The following SUPT20H variants were observed in gnomAD, a reference collection of about 807,000 sequenced individuals.
The protein encoded by SUPT20H is SPT20 homolog, SAGA complex component.
SUPT20H carries 82 observed loss-of-function variants against 122.8 expected under a neutral mutation model. The observed-to-expected ratio is 0.67, with a 90% confidence interval of 0.56 to 0.80. The LOEUF is 0.80. SUPT20H is among the 30% of genes least tolerant of loss of function. SUPT20H has a pLI of 0.00. For synonymous variants in SUPT20H, 291 were observed against 313.0 expected (o/e 0.93, Z 0.74); for missense variants, 831 against 921.6 (o/e 0.90, Z 1.27).
chr13:37,051,683 T>A (rs780062381), intron 1 of SUPT20H, 100 bp from the exon 2 acceptor site: 7 of 464,546 alleles, frequency 1.5e-5, no homozygotes, highest in African/African-American at 1.4e-4. Context: ...AAATTACTTA[T>A]ATTTTTAAGA....
rs1018614861 is a variant in SUPT20H, at chr13:37,026,249, A to T, written c.1179-13T>A. ...TCCAATAATGAACCTAAAATGTTTA[A>T]GGAAAAAAAAGGAGAGAAAAGTATT... On this transcript the variant is annotated splice_polypyrimidine_tract_variant and intron_variant, in intron 15 of 25. Transcript: ENST00000350612. 5 of 1,486,678 alleles carry T rather than the reference A, an allele frequency of 3.4e-6. No individual in the cohort carries two copies. Among genetic ancestry groups the T allele is most frequent in the Non-Finnish European group, 4.4e-6 (5 of 1,124,306 alleles). 92.1% of individuals were successfully genotyped at this position (1,486,678 alleles called of 1,614,324 possible).
Position 37,025,393 on chromosome 13 carries a change from C to T in SUPT20H, c.1256G>A (p.Cys419Tyr). ...YQELVQNEAK[C>Y]PVKMSHSSSG... ...GGAGCTGTGTGACATCTTGACCGGA[C>T]ATTTGGCTTCATTCTGGACTAATTC... is the stretch of plus-strand genomic sequence containing the variant. Residue 419 changes from cysteine to tyrosine, a missense_variant, in exon 17 of 26, where the codon TGT becomes TAT. Physicochemically the swap from Cys to Tyr is radical, Grantham distance 194. Coordinates refer to ENST00000350612, the MANE Select transcript of SUPT20H (RefSeq NM_001014286.3). 1.2e-6 allele frequency: 2 copies of T among 1,613,950 alleles called. No individual in the cohort carries two copies. The highest frequency in any genetic ancestry group is 1.7e-6 in the Non-Finnish European group (2 of 1,179,884).
At chr13:37,028,068 A>C in intron 14 of SUPT20H, 80 bp downstream of exon 14, 1 of 1,304,848 alleles carries the variant, frequency 7.7e-7, no homozygotes, top group East Asian at 2.6e-5. Context: ...TTATTCATTA[A>C]TGGTTCATCA....
chr13:37,028,475 C>T (rs1412799621), intron 13 of SUPT20H, among the ~76,000 whole-genome samples, 170 bp from the exon 14 acceptor site: 3 of 152,212 alleles, frequency 2.0e-5, no homozygotes, highest in South Asian at 2.1e-4. Flanking sequence ...AAGCACAGCA[C>T]GGTTCTTTTC....
chr13:37,021,486 T>A lies in SUPT20H; in HGVS notation c.1778A>T (p.Asn593Ile), dbSNP rs1182591090. 6.2e-7 allele frequency: 1 copy of A among 1,613,964 alleles called. No individual in the cohort carries two copies. The highest frequency in any genetic ancestry group is 1.3e-5 in the African/African-American group (1 of 75,026). ...TGCCTGCATTGCACTGGGCAGTGCATTTGGTAGCAGACCTCCTGAGGGTAG... is the reference window on the plus strand; with the variant it reads ...TGCCTGCATTGCACTGGGCAGTGCAATTGGTAGCAGACCTCCTGAGGGTAG... ...GLLPSGGLLPNALPSAMQAAS... is the reference protein window; with the variant it reads ...GLLPSGGLLPIALPSAMQAAS... The change falls in exon 21 of 26, where the codon AAT becomes ATT. Residue 593 changes from asparagine to isoleucine, a missense_variant. Asn to Ile is a moderately radical substitution (Grantham distance 149). Coordinates refer to ENST00000350612, the MANE Select transcript of SUPT20H (RefSeq NM_001014286.3).
At chr13:37,046,140 A>G (rs2066377968) in intron 5 of SUPT20H, among the ~76,000 whole-genome samples, 1 of 152,128 alleles carries the variant, frequency 6.6e-6, no homozygotes, top group Non-Finnish European at 1.5e-5. Context: ...AACATATATC[A>G]TACACACATA....
intron 5 of SUPT20H, among the ~76,000 whole-genome samples, chr13:37,045,606 T>C (rs2066282823): frequency 6.6e-6 from 1 of 152,172 alleles, no homozygotes; most frequent in Admixed American, 6.5e-5. Flanking sequence ...ATTTTAAAAA[T>C]GGGTGACCTA....
chr13:37,019,256 C>T, intron 22 of SUPT20H, 86 bp downstream of exon 22: 2 of 962,380 alleles, frequency 2.1e-6, no homozygotes, highest in Non-Finnish European at 3.1e-6. Context: ...CTCAGAATTT[C>T]AAGTGCTGAT....
intron 12 of SUPT20H, 102 bp downstream of exon 12, chr13:37,031,465 T>C: frequency 1.4e-6 from 1 of 709,260 alleles, no homozygotes; most frequent in Non-Finnish European, 2.2e-6. Context: ...AATCACTTTG[T>C]TTTTAAAGTA....
At chr13:37,026,298 C>T in intron 15 of SUPT20H, 62 bp from the exon 16 acceptor site, 1 of 1,173,030 alleles carries the variant, frequency 8.5e-7, no homozygotes, top group Non-Finnish European at 1.1e-6. Context: ...CTTAAGAAGG[C>T]TTGGGATTAC....
chr13:37,041,608 G>T (rs758378688), intron 7 of SUPT20H, among the ~76,000 whole-genome samples: 1 of 151,964 alleles, frequency 6.6e-6, no homozygotes, highest in Non-Finnish European at 1.5e-5. Flanking sequence ...GTTATGACTT[G>T]CCATGGTCAC....
intron 24 of SUPT20H, among the ~76,000 whole-genome samples, 195 bp downstream of exon 24, chr13:37,011,997 G>A (rs1441688700): frequency 6.6e-6 from 1 of 152,116 alleles, no homozygotes; most frequent in Admixed American, 6.6e-5. Flanking sequence ...ATTATGTTAA[G>A]TCAAAGCTCT....
chr13:37,058,844 C>T (rs1337881058), intron 1 of SUPT20H, among the ~76,000 whole-genome samples: 1 of 152,256 alleles, frequency 6.6e-6, no homozygotes, highest in East Asian at 1.9e-4. Flanking sequence ...TGCTCAGAGA[C>T]GAATATGTAT....
chr13:37,032,890 C>CT (rs1273598049), intron 10 of SUPT20H, among the ~76,000 whole-genome samples: 1 of 152,132 alleles, frequency 6.6e-6, no homozygotes, highest in African/African-American at 2.4e-5. Flanking sequence ...CAGTTTATAA[C>CT]TGACTTCTAA....
chr13:37,055,681 C>A (rs2068795083), intron 1 of SUPT20H, among the ~76,000 whole-genome samples: 1 of 152,200 alleles, frequency 6.6e-6, no homozygotes, highest in African/African-American at 2.4e-5. Flanking sequence ...AAAACCTAGG[C>A]AATACCATTC....
Position 37,044,107 on chromosome 13 carries a change from TAGG to T in SUPT20H, c.364_366del (p.Pro122del). ...GATTTTTCTAGGAGATCAACCAAAA[TAGG>T]AGGTAATTCTTCTGCATCCAAATAT... On this transcript the variant is annotated inframe_deletion, in exon 7 of 26. Transcript: ENST00000350612. 6.2e-7 allele frequency: 1 copy of T among 1,612,632 alleles called. No homozygotes were observed. Among genetic ancestry groups the T allele is most frequent in the Non-Finnish European group, 8.5e-7 (1 of 1,179,334 alleles).
intron 2 of SUPT20H, 106 bp downstream of exon 2, chr13:37,051,382 A>G (rs1594541859): frequency 1.7e-6 from 2 of 1,200,618 alleles, no homozygotes; most frequent in East Asian, 4.9e-5. Flanking sequence ...GATAACCTGT[A>G]CAGCTTACAA....
At chr13:37,044,911 T>C (rs1359148660) in intron 6 of SUPT20H, among the ~76,000 whole-genome samples, 3 of 152,210 alleles carry the variant, frequency 2.0e-5, no homozygotes, top group Admixed American at 6.5e-5. Context: ...GGAAATTCTA[T>C]TTTAATCATC....
At chr13:37,018,131 A>C (rs557457731) in intron 22 of SUPT20H, among the ~76,000 whole-genome samples, 1 of 152,170 alleles carries the variant, frequency 6.6e-6, no homozygotes, top group Non-Finnish European at 1.5e-5. Context: ...TAATAAAAAA[A>C]AAATAAAAAA....
Sources: allele counts gnomAD v4.1 joint callset (sites outside exome capture counted in the v4.1 genomes callset), GRCh38; gene constraint gnomAD v4.1.1; transcripts MANE v1.5; gene names NCBI Gene and HGNC (gene_info 2026-07-23, HGNC 2026-07-21).